ANKS1A: variants seen among roughly 807,000 people sequenced by gnomAD.
ANKS1A encodes ankyrin repeat and SAM domain-containing protein 1A.
ANKS1A carries 55 observed loss-of-function variants against 120.3 expected under a neutral mutation model. The ratio of observed to expected loss-of-function variants is 0.46; its 90% CI spans 0.37 to 0.57. The LOEUF (loss-of-function observed/expected upper bound fraction) is 0.57, where lower values mean the gene tolerates loss of function less well. Among genes scored for constraint, ANKS1A ranks in the 20% least tolerant of loss-of-function variants. The probability of loss-of-function intolerance (pLI) is 0.00; values close to 1 mark genes in which losing one functional copy is unlikely to be tolerated. For synonymous variants in ANKS1A, 590 were observed against 604.7 expected (o/e 0.98, Z 0.36); for missense variants, 1,123 against 1,480.3 (o/e 0.76, Z 3.96).
chr6:34,994,256 G>T (rs1162797521), intron 9 of ANKS1A, 46 bp from the exon 10 acceptor site: 1 of 1,600,822 alleles, frequency 6.2e-7, no homozygotes, highest in Non-Finnish European at 8.5e-7. Flanking sequence ...GCCTGTCTTG[G>T]TATTAGCCAC....
At position 34,889,543 on chromosome 6, in the gene ANKS1A, C is replaced by G. The variant is rs762483856; in HGVS notation, c.141C>G (p.Ser47Arg). 62 of 1,225,896 alleles carry G rather than the reference C, an allele frequency of 5.1e-5. No individual in the cohort carries two copies. The highest frequency in any genetic ancestry group is 6.0e-5 in the Non-Finnish European group (59 of 984,578). The allele number at this position is 1,225,896 out of a possible 1,614,324, so 75.9% of individuals were successfully genotyped here. Residue 47 changes from serine to arginine, a missense_variant, in exon 1 of 24, where the codon AGC (serine) becomes AGG (arginine). By Grantham distance (110) the Ser-to-Arg change is moderately radical (BLOSUM62 -1). This residue lies in a region of ANKS1A where 73 missense variants were observed against 82.2 expected (regional missense o/e 0.89). Transcript: ENST00000360359. This position sits in a 1 kb window ranked among gnomAD's most constrained non-coding sequence, Gnocchi z 5.5. ...GCTCTGGGGGCGGCGGCGGCGGCAG[C>G]GGCGGCGGCGGCGGCGGCCTCGGCT... ...GGGSGGGGGG[S>R]GGGGGGLGSS... is the part of the protein sequence containing the mutation.
intron 1 of ANKS1A, among the ~76,000 whole-genome samples, chr6:34,931,396 C>G (rs891696089): frequency 2.6e-5 from 4 of 152,172 alleles, no homozygotes; most frequent in Non-Finnish European, 5.9e-5. Flanking sequence ...GATCCACCCA[C>G]CTTGACCTCC....
chr6:35,086,453 C>A lies in ANKS1A; in HGVS notation c.3304-499C>A. The A allele has an allele frequency of 1.1e-6, 1 of 923,668 alleles. No homozygotes were observed. Among genetic ancestry groups the A allele is most frequent in the Non-Finnish European group, 1.5e-6 (1 of 654,672 alleles). The allele number at this position is 923,668 out of a possible 1,614,324, so 57.2% of individuals were successfully genotyped here. On this transcript the variant is annotated intron_variant, in intron 22 of 23. Coordinates refer to ENST00000360359, the MANE Select transcript of ANKS1A (RefSeq NM_015245.3). The surrounding 1 kb of genome is among the most constrained non-coding windows in gnomAD (Gnocchi z 5.1). ...TAGCCTCTGGCGGCCTCTCCCTCTG[C>A]CTGTGTGACATTCTTTCCCCTCTTC...
At chr6:35,040,211 A>G (rs1338126317) in intron 11 of ANKS1A, among the ~76,000 whole-genome samples, 1 of 152,226 alleles carries the variant, frequency 6.6e-6, no homozygotes, top group East Asian at 1.9e-4. Flanking sequence ...GAGAGGCAAC[A>G]AGAAAGGTTT....
intron 1 of ANKS1A, among the ~76,000 whole-genome samples, chr6:34,959,492 A>G (rs960375647): frequency 1.3e-5 from 2 of 152,234 alleles, no homozygotes; most frequent in African/African-American, 4.8e-5. Context: ...CTTATAATAT[A>G]TGGTATGAAT....
In ANKS1A at chr6:35,086,180, G is replaced by A. The variant is rs1425632573; in HGVS notation, c.3303+244G>A. 3 of 1,264,446 alleles carry A rather than the reference G, an allele frequency of 2.4e-6. No homozygotes were observed. The highest frequency in any genetic ancestry group is 3.0e-5 in the African/African-American group (2 of 67,572). 78.3% of individuals were successfully genotyped at this position (1,264,446 alleles called of 1,614,324 possible). A position where few individuals can be genotyped will look rare whatever the true frequency, so the allele number is the denominator to read the frequency against. ...CTCGCTGGGCTCCCCCAAGGGCAAGGCCGTCAAGGGGCTGCAGAGAGCGGC... is the reference window on the plus strand; with the variant it reads ...CTCGCTGGGCTCCCCCAAGGGCAAGACCGTCAAGGGGCTGCAGAGAGCGGC... On this transcript the variant is annotated intron_variant, in intron 22 of 23. Transcript: ENST00000360359. This position sits in a 1 kb window ranked among gnomAD's most constrained non-coding sequence, Gnocchi z 5.1.
chr6:34,983,372 C>T lies in ANKS1A; in HGVS notation c.959C>T (p.Pro320Leu), dbSNP rs766191563. 2 of 1,614,010 alleles carry T rather than the reference C, an allele frequency of 1.2e-6. No homozygotes were observed. Among genetic ancestry groups the T allele is most frequent in the Non-Finnish European group, 1.7e-6 (2 of 1,179,996 alleles). ...RSTKEVDKTPPPQPPLISSMD... is the reference protein window; with the variant it reads ...RSTKEVDKTPLPQPPLISSMD... ...ACAAAAGAAGTAGATAAAACCCCCC[C>T]ACCCCAGCCACCTCTCATCTCCAGT... The change falls in exon 7 of 24, where the codon CCA becomes CTA. Residue 320 changes from proline (P) to leucine (L), a missense_variant. Physicochemically the swap from Pro to Leu is moderately conservative, Grantham distance 98 (BLOSUM62 -3). Coordinates refer to ENST00000360359, the MANE Select transcript of ANKS1A (RefSeq NM_015245.3).
At chr6:34,946,150 T>G (rs2127488501) in intron 1 of ANKS1A, among the ~76,000 whole-genome samples, 1 of 152,002 alleles carries the variant, frequency 6.6e-6, no homozygotes, top group South Asian at 2.1e-4. Context: ...CCAGCTAATT[T>G]TTATGTTTTT....
chr6:35,011,954 G>A (rs1035823413), intron 10 of ANKS1A, among the ~76,000 whole-genome samples: 1 of 152,156 alleles, frequency 6.6e-6, no homozygotes, highest in African/African-American at 2.4e-5. Context: ...CTGTTTCAGA[G>A]CTGAGGAAGA....
chr6:34,889,339 T>G lies in ANKS1A; in HGVS notation c.-64T>G. ...GTGCGTTGCCCGGAGACGGAAAGTT[T>G]GGGAGCCCGAGCAGGCTCGGCTGCA... On this transcript the variant is annotated 5_prime_UTR_variant, in exon 1 of 24. Coordinates refer to ENST00000360359, the MANE Select transcript of ANKS1A (RefSeq NM_015245.3). The surrounding 1 kb of genome is among the most constrained non-coding windows in gnomAD (Gnocchi z 5.5). 8.1e-7 allele frequency: 1 copy of G among 1,231,180 alleles called. No individual in the cohort carries two copies. Among genetic ancestry groups the G allele is most frequent in the South Asian group, 3.9e-5 (1 of 25,826 alleles). 76.3% of individuals were successfully genotyped at this position (1,231,180 alleles called of 1,614,324 possible).
intron 1 of ANKS1A, among the ~76,000 whole-genome samples, chr6:34,912,719 G>T (rs1767965290): frequency 6.6e-6 from 1 of 152,156 alleles, no homozygotes; most frequent in South Asian, 2.1e-4. Context: ...CACTAGTAGG[G>T]ATTCTTTGAT....
chr6:35,021,251 A>C (rs1186081084), intron 11 of ANKS1A, among the ~76,000 whole-genome samples: 3 of 148,484 alleles, frequency 2.0e-5, no homozygotes, highest in Admixed American at 1.3e-4. Context: ...TTGTCCTTGG[A>C]CCCCCGGGAG....
chr6:35,035,872 T>G (rs1415016324), intron 11 of ANKS1A, among the ~76,000 whole-genome samples: 2 of 152,212 alleles, frequency 1.3e-5, no homozygotes, highest in Non-Finnish European at 2.9e-5. Context: ...CAGAGCCATG[T>G]CCTCAGTGAC....
At position 35,082,833 on chromosome 6, in the gene ANKS1A, C is replaced by T; in HGVS notation, c.2835+17C>T. 1 of 1,606,232 alleles carries T rather than the reference C, an allele frequency of 6.2e-7. No individual in the cohort carries two copies. Among genetic ancestry groups the T allele is most frequent in the Non-Finnish European group, 8.5e-7 (1 of 1,176,070 alleles). On this transcript the variant is annotated intron_variant, in intron 18 of 23. Coordinates refer to ENST00000360359, the MANE Select transcript of ANKS1A (RefSeq NM_015245.3). The surrounding 1 kb of genome is among the most constrained non-coding windows in gnomAD (Gnocchi z 4.1). ...GAAGCCAATGTGAGTTGCTCCCACC[C>T]TCCCAGCAGGGCCGGCCTCCCTGCT...
chr6:35,048,310 C>G (rs913319869), intron 11 of ANKS1A, among the ~76,000 whole-genome samples: 1 of 152,128 alleles, frequency 6.6e-6, no homozygotes, highest in Admixed American at 6.5e-5. Context: ...TGGTAACAAC[C>G]CAAATGCCCC....
At chr6:35,055,898 C>T (rs951633014) in intron 12 of ANKS1A, among the ~76,000 whole-genome samples, 1 of 152,224 alleles carries the variant, frequency 6.6e-6, no homozygotes, top group African/African-American at 2.4e-5. Flanking sequence ...CTGTTGCTTA[C>T]ACTCAGTCAA....
rs1431786657 is a variant in ANKS1A, at chr6:35,088,694, C to A, written c.*85C>A. Reference sequence around the variant, plus strand: ...GCCACCACCGCCATCGCCTCACCTGCAGCTCTGAAGACCCAGGCCTCACCT... The same window carrying A: ...GCCACCACCGCCATCGCCTCACCTGAAGCTCTGAAGACCCAGGCCTCACCT... On this transcript the variant is annotated 3_prime_UTR_variant, in exon 24 of 24. Coordinates refer to ENST00000360359, the MANE Select transcript of ANKS1A (RefSeq NM_015245.3). 1.2e-6 allele frequency: 2 copies of A among 1,612,894 alleles called. No individual in the cohort carries two copies. The highest frequency in any genetic ancestry group is 2.7e-5 in the African/African-American group (2 of 74,926).
At chr6:34,987,396 G>A (rs920991450) in intron 8 of ANKS1A, among the ~76,000 whole-genome samples, 9 of 152,012 alleles carry the variant, frequency 5.9e-5, no homozygotes, top group Non-Finnish European at 2.9e-5. Context: ...TTGTTGTTGT[G>A]TTTCCTTTTT....
Position 34,982,753 on chromosome 6 carries a change from C to T in ANKS1A, c.734C>T (p.Thr245Met). The T allele has an allele frequency of 3.7e-6, 6 of 1,614,184 alleles. No homozygotes were observed. The highest frequency in any genetic ancestry group is 1.1e-5 in the South Asian group (1 of 91,090). Residue 245 changes from threonine (T) to methionine (M), a missense_variant and splice_region_variant, in exon 5 of 24, where the codon ACG becomes ATG. Physicochemically the swap from Thr to Met is moderately conservative, Grantham distance 81. Around this residue, in one of 3 missense-constraint regions of ANKS1A, gnomAD observed 146 missense variants for 267.8 expected, o/e 0.55. Coordinates refer to ENST00000360359, the MANE Select transcript of ANKS1A (RefSeq NM_015245.3). The surrounding 1 kb of genome is among the most constrained non-coding windows in gnomAD (Gnocchi z 4.9). ...LDAGMDSNYQ[T>M]EMGSALHEAA... ...TCTGCGCTCTCGTTTGCTTTCCAGACGGAGATGGGCAGTGCTTTGCATGAG... is the reference window on the plus strand; with the variant it reads ...TCTGCGCTCTCGTTTGCTTTCCAGATGGAGATGGGCAGTGCTTTGCATGAG...
Sources: allele counts gnomAD v4.1 joint callset (sites outside exome capture counted in the v4.1 genomes callset), GRCh38; gene constraint gnomAD v4.1.1; regional missense constraint gnomAD v4.1.1; non-coding constraint Gnocchi (gnomAD v3.1); transcripts MANE v1.5; gene names NCBI Gene and HGNC (gene_info 2026-07-23, HGNC 2026-07-21).